The following CADPS2 variants were observed in gnomAD, a reference collection of about 807,000 sequenced individuals.
CADPS2 encodes calcium-dependent secretion activator 2.
A neutral mutation model predicts 172.5 loss-of-function variants in CADPS2; 93 were observed. The observed-to-expected ratio is 0.54, with a 90% CI of 0.46 to 0.64. The LOEUF is 0.64. Ranked by LOEUF, CADPS2 falls within the 30% of genes least tolerant of loss-of-function variation. CADPS2 has a pLI of 0.00. For synonymous variants in CADPS2, 546 were observed against 555.2 expected (o/e 0.98, Z 0.23); for missense variants, 1,420 against 1,565.9 (o/e 0.91, Z 1.57).
At chr7:122,326,521 A>G (rs1436046674) in intron 28 of CADPS2, among the ~76,000 whole-genome samples, 2 of 152,100 alleles carry the variant, frequency 1.3e-5, no homozygotes, top group Admixed American at 6.6e-5. Flanking sequence ...TTCAGATAAA[A>G]GTGAGAAATA....
intron 2 of CADPS2, chr7:122,697,571 A>AT: frequency 2.1e-6 from 1 of 486,146 alleles, no homozygotes; most frequent in Non-Finnish European, 3.6e-6. Context: ...AGTAACATAC[A>AT]TTGACAAAAA....
At chr7:122,870,978 T>G (rs1030591108) in intron 1 of CADPS2, among the ~76,000 whole-genome samples, 1 of 152,036 alleles carries the variant, frequency 6.6e-6, no homozygotes, top group Non-Finnish European at 1.5e-5. Flanking sequence ...TAAGTGCTTT[T>G]CAGAAATTAT....
intron 8 of CADPS2, among the ~76,000 whole-genome samples, chr7:122,550,536 A>G (rs1363668672): frequency 6.6e-6 from 1 of 152,132 alleles, no homozygotes; most frequent in East Asian, 1.9e-4. Context: ...GTGAAAGCCA[A>G]TTTTCTCTTT....
intron 8 of CADPS2, among the ~76,000 whole-genome samples, chr7:122,518,096 G>T (rs2060511224): frequency 6.6e-6 from 1 of 151,832 alleles, no homozygotes; most frequent in South Asian, 2.1e-4. Context: ...CTAGGCAATA[G>T]ATTTTGTTCA....
chr7:122,341,143 A>T (rs1016901884), intron 28 of CADPS2, among the ~76,000 whole-genome samples: 1 of 152,192 alleles, frequency 6.6e-6, no homozygotes, highest in East Asian at 1.9e-4. Context: ...GCAACTTTTT[A>T]AAAAAATTTG....
At chr7:122,728,336 G>A (rs2091308186) in intron 2 of CADPS2, among the ~76,000 whole-genome samples, 1 of 151,772 alleles carries the variant, frequency 6.6e-6, no homozygotes, top group South Asian at 2.1e-4. Context: ...ATAAACAACT[G>A]CAATTATTTT....
At chr7:122,506,818 G>C (rs909340207) in intron 9 of CADPS2, among the ~76,000 whole-genome samples, 8 of 151,902 alleles carry the variant, frequency 5.3e-5, no homozygotes, top group African/African-American at 1.9e-4. Context: ...GATTGGACAG[G>C]AATATTTATT....
chr7:122,474,397 T>A lies in CADPS2; in HGVS notation c.1982A>T (p.Asp661Val). 3.1e-6 allele frequency: 5 copies of A among 1,613,416 alleles called. No individual in the cohort carries two copies. The highest frequency in any genetic ancestry group is 4.2e-6 in the Non-Finnish European group (5 of 1,179,606). The part of the protein sequence containing the change: ...QRQTLDHRLN[D>V]SYSCLGWFSP... ...TGTACTCACCAAGCAAGAATAGGAA[T>A]CATTCAGTCTGTGATCCAAAGTCTG... The change falls in exon 13 of 30, where the codon GAT (aspartate) becomes GTT (valine). Residue 661 changes from aspartate (D) to valine (V), a missense_variant. Coordinates refer to ENST00000449022, the MANE Select transcript of CADPS2 (RefSeq NM_017954.11).
At chr7:122,715,556 G>A (rs2089471953) in intron 2 of CADPS2, among the ~76,000 whole-genome samples, 1 of 152,050 alleles carries the variant, frequency 6.6e-6, no homozygotes, top group African/African-American at 2.4e-5. Flanking sequence ...TCCAAACAGA[G>A]GTCATTCTGC....
intron 7 of CADPS2, among the ~76,000 whole-genome samples, chr7:122,563,938 T>C (rs907892826): frequency 1.3e-5 from 2 of 152,166 alleles, no homozygotes; most frequent in African/African-American, 4.8e-5. Context: ...AGCATCCATA[T>C]GGTACTCAAA....
At chr7:122,326,250 C>G (rs1387439755) in intron 28 of CADPS2, among the ~76,000 whole-genome samples, 1 of 151,894 alleles carries the variant, frequency 6.6e-6, no homozygotes, top group African/African-American at 2.4e-5. Context: ...GTCAGTTGAT[C>G]AAATTATGAA....
chr7:122,729,985 G>A (rs1243121723), intron 2 of CADPS2, among the ~76,000 whole-genome samples: 1 of 151,584 alleles, frequency 6.6e-6, no homozygotes, highest in Non-Finnish European at 1.5e-5. Flanking sequence ...CCTGAAATGT[G>A]AATGTGTCTT....
chr7:122,331,280 T>G (rs1414609534), intron 28 of CADPS2: 49 of 152,196 alleles, frequency 3.2e-4, no homozygotes, highest in Admixed American at 3.2e-3. Flanking sequence ...TTTATTAGTA[T>G]TATTTTTATG....
At chr7:122,470,805 C>A in intron 14 of CADPS2, among the ~76,000 whole-genome samples, 1 of 152,076 alleles carries the variant, frequency 6.6e-6, no homozygotes, top group East Asian at 1.9e-4. Context: ...ATGATATGGA[C>A]AGATTTTTAA....
rs143816627 is a variant in CADPS2 at position 122,822,995 on chromosome 7, A to G, written c.339+63004T>C. ...TGGTGGTCTCTTCACATGGACACGC[A>G]TGAAAATTTTCACTAGGTGAGATGA... On this transcript the variant is annotated intron_variant, in intron 1 of 29. Coordinates refer to ENST00000449022, the MANE Select transcript of CADPS2 (RefSeq NM_017954.11). Among the ~76,000 whole-genome samples, 474 of 152,300 alleles carry G rather than the reference A, an allele frequency of 3.1e-3. No homozygotes were observed. The Middle Eastern group carries it at 0.034, about 11-fold the overall frequency.
At chr7:122,583,855 T>C (rs1318480455) in intron 6 of CADPS2, among the ~76,000 whole-genome samples, 4 of 151,162 alleles carry the variant, frequency 2.6e-5, no homozygotes, top group Non-Finnish European at 5.9e-5. Flanking sequence ...TCACATCATA[T>C]ACATATGTAT....
chr7:122,748,621 T>G (rs2092820368), intron 1 of CADPS2, among the ~76,000 whole-genome samples: 1 of 152,082 alleles, frequency 6.6e-6, no homozygotes, highest in South Asian at 2.1e-4. Context: ...CTCAGAAATG[T>G]CTGAAGTTTT....
intron 9 of CADPS2, among the ~76,000 whole-genome samples, chr7:122,496,305 G>A (rs577573643): frequency 2.8e-4 from 43 of 152,208 alleles, no homozygotes; most frequent in Middle Eastern, 3.4e-3. Context: ...GGGATCACAG[G>A]TGTGCGCTAC....
chr7:122,485,131 G>A (rs1311299527), intron 11 of CADPS2, among the ~76,000 whole-genome samples: 1 of 152,040 alleles, frequency 6.6e-6, no homozygotes, highest in East Asian at 1.9e-4. Context: ...CCTATTTCCT[G>A]ACACACAACA....
Sources: gnomAD v4.1 joint callset for allele counts (sites outside exome capture counted in the v4.1 genomes callset) on GRCh38, gnomAD v4.1.1 for gene constraint, MANE v1.5 for transcripts, NCBI Gene and HGNC (gene_info 2026-07-23, HGNC 2026-07-21) for gene names.